Variants in PRR3 observed in about 807,000 individuals in gnomAD.
The protein encoded by PRR3 is proline rich 3, also known as proline-rich protein 3.
A neutral mutation model predicts 22.4 loss-of-function variants in PRR3; 16 were observed. That is an observed-to-expected ratio of 0.71 (90% CI 0.48 to 1.09). The LOEUF (loss-of-function observed/expected upper bound fraction) is 1.09. Among genes scored for constraint, PRR3 ranks in the 50% least tolerant of loss-of-function variants. PRR3 has a pLI of 0.00. For synonymous variants in PRR3, 87 were observed against 88.6 expected (o/e 0.98, Z 0.10); for missense variants, 224 against 243.4 (o/e 0.92, Z 0.53).
intron 3 of PRR3, 41 bp downstream of exon 3, chr6:30,562,165 C>G (rs1375658285): frequency 6.6e-7 from 1 of 1,517,180 alleles, no homozygotes; most frequent in Admixed American, 2.2e-5. Flanking sequence ...CCAGAGTGAC[C>G]TAATTTTCAG....
chr6:30,558,231 T>C lies in PRR3; in HGVS notation c.169+19T>C. On this transcript the variant is annotated intron_variant, in intron 2 of 3. Coordinates refer to ENST00000376560, the MANE Select transcript of PRR3 (RefSeq NM_025263.4). ...AAGTCAGGTGAGGAGGAAGGGGCCC[T>C]GATCCTTGTATTAGGTCGTAGAGAA... is the stretch of plus-strand genomic sequence containing the variant. The C allele has an allele frequency of 6.2e-7, 1 of 1,608,472 alleles. No individual in the cohort carries two copies. The highest frequency in any genetic ancestry group is 8.5e-7 in the Non-Finnish European group (1 of 1,175,826).
At position 30,563,531 on chromosome 6, in the gene PRR3, G is replaced by T. The variant is rs557182645; in HGVS notation, c.*1036G>T. 4 of 152,666 alleles carry T rather than the reference G, an allele frequency of 2.6e-5. No individual in the cohort carries two copies. The highest frequency in any genetic ancestry group is 9.6e-5 in the African/African-American group (4 of 41,526). 9.5% of individuals were successfully genotyped at this position (152,666 alleles called of 1,614,324 possible). A position where few individuals can be genotyped will look rare whatever the true frequency, so the allele number is the denominator to read the frequency against. On this transcript the variant is annotated 3_prime_UTR_variant, in exon 4 of 4. Coordinates refer to ENST00000376560, the MANE Select transcript of PRR3 (RefSeq NM_025263.4). ...CTCTTCCCCTACATCCCTGGCACTG[G>T]TTGTTTTCTGTGAAAACAGCAGTGA...
rs182191070 is a variant in PRR3 at position 30,562,069 on chromosome 6, C to G, written c.405C>G (p.Ser135Arg). The G allele has an allele frequency of 6.2e-7, 1 of 1,611,432 alleles. No individual in the cohort carries two copies. The highest frequency in any genetic ancestry group is 1.1e-5 in the South Asian group (1 of 90,926). Residue 135 changes from serine (S) to arginine (R), a missense_variant, in exon 3 of 4, where the codon AGC becomes AGG. Coordinates refer to ENST00000376560, the MANE Select transcript of PRR3 (RefSeq NM_025263.4). ...AGAGAAACCCTCGAAGGCTCAAAAG[C>G]TGGTCTCTTATCAAGAATACCTGCC... ...KEQRNPRRLK[S>R]WSLIKNTCPP... is the part of the protein sequence containing the mutation.
intron 2 of PRR3, among the ~76,000 whole-genome samples, chr6:30,559,751 A>T (rs1032823331): frequency 2.6e-5 from 4 of 152,166 alleles, no homozygotes; most frequent in Admixed American, 2.6e-4. Flanking sequence ...TAGAACTACC[A>T]GATGACAAAA....
chr6:30,558,928 A>G (rs1468933361), intron 2 of PRR3, among the ~76,000 whole-genome samples: 2 of 152,236 alleles, frequency 1.3e-5, no homozygotes, highest in African/African-American at 4.8e-5. Context: ...TCTATTTCAA[A>G]TGGACTGTAG....
rs373482442 is a variant in PRR3 at position 30,562,542 on chromosome 6, C to T, written c.*47C>T. ...CTGGAAGGAGCTCTCTGTGACCTAG[C>T]GGCCATTTATTTCTCTGTAGCCCTA... On this transcript the variant is annotated 3_prime_UTR_variant, in exon 4 of 4. Coordinates refer to ENST00000376560, the MANE Select transcript of PRR3 (RefSeq NM_025263.4). 15 of 1,238,920 alleles carry T rather than the reference C, an allele frequency of 1.2e-5. No homozygotes were observed. Among genetic ancestry groups the T allele is most frequent in the African/African-American group, 1.1e-4 (7 of 66,534 alleles). The allele number at this position is 1,238,920 out of a possible 1,614,324, so 76.7% of individuals were successfully genotyped here.
upstream of PRR3, chr6:30,557,018 C>T: frequency 2.9e-6 from 2 of 689,132 alleles, no homozygotes; most frequent in Non-Finnish European, 2.6e-6. Flanking sequence ...GGCCCTCTGG[C>T]CCGAGAGCCT....
chr6:30,557,298 T>C lies in PRR3; in HGVS notation c.-47T>C, dbSNP rs779632502. The C allele has an allele frequency of 6.7e-7, 1 of 1,488,914 alleles. No homozygotes were observed. Among genetic ancestry groups the C allele is most frequent in the Non-Finnish European group, 9.3e-7 (1 of 1,077,410 alleles). 92.2% of individuals were successfully genotyped at this position (1,488,914 alleles called of 1,614,324 possible). A position where few individuals can be genotyped will look rare whatever the true frequency, so the allele number is the denominator to read the frequency against. On this transcript the variant is annotated 5_prime_UTR_variant, in exon 1 of 4. Coordinates refer to ENST00000376560, the MANE Select transcript of PRR3 (RefSeq NM_025263.4). Reference sequence around the variant, plus strand: ...CGGAAACAGAATCCCCGCGTGCCCCTTCCTCACTACCCTCCAAATCCCGCT... The same window carrying C: ...CGGAAACAGAATCCCCGCGTGCCCCCTCCTCACTACCCTCCAAATCCCGCT...
chr6:30,561,515 T>C lies in PRR3; in HGVS notation c.170-319T>C, dbSNP rs1329422565. On this transcript the variant is annotated intron_variant, in intron 2 of 3. Transcript: ENST00000376560. This position sits in a 1 kb window ranked among gnomAD's most constrained non-coding sequence, Gnocchi z 4.0. ...ACATAAAAGAATGCAGACTGTATGA[T>C]TCCATTTTTGTGAAGTTCAAAAACA... 1 of 581,502 alleles carries C rather than the reference T, an allele frequency of 1.7e-6. No homozygotes were observed. The highest frequency in any genetic ancestry group is 2.5e-5 in the Admixed American group (1 of 40,560). The allele number at this position is 581,502 out of a possible 1,614,324, so 36.0% of individuals were successfully genotyped here.
rs371325781 is a variant in PRR3 at position 30,561,920 on chromosome 6, A to G, written c.256A>G (p.Ile86Val). The G allele has an allele frequency of 5.0e-5, 81 of 1,612,646 alleles. No individual in the cohort carries two copies. The highest frequency in any genetic ancestry group is 1.6e-4 in the Middle Eastern group (1 of 6,084). ...ACCTCCTCCTTGGGGTAGAGGCCCA[A>G]TTCGGAGAGGGCTTGGCCCCAGGTC... ...LPPPPWGRGP[I>V]RRGLGPRSSP... Residue 86 changes from isoleucine (I) to valine (V), a missense_variant, in exon 3 of 4, where the codon ATT becomes GTT. By Grantham distance (29) the Ile-to-Val change is conservative (BLOSUM62 3). Transcript: ENST00000376560. This position sits in a 1 kb window ranked among gnomAD's most constrained non-coding sequence, Gnocchi z 4.0.
chr6:30,557,383 G>A lies in PRR3; in HGVS notation c.39G>A (p.Pro13=). 1.2e-6 allele frequency: 2 copies of A among 1,612,774 alleles called. No individual in the cohort carries two copies. Among genetic ancestry groups the A allele is most frequent in the Middle Eastern group, 1.6e-4 (1 of 6,062 alleles). The change falls in exon 1 of 4, where the codon CCG becomes CCA. Residue 13 remains proline (P), a synonymous_variant. Transcript: ENST00000376560. The part of the protein sequence containing the change: ...KRKKQNHHQP[P]TQQQPPLPER... ...AGAAGCAGAATCATCACCAGCCACCGACACAGCAGCAGCCCCCGCTGCCCG... is the reference window on the plus strand; with the variant it reads ...AGAAGCAGAATCATCACCAGCCACCAACACAGCAGCAGCCCCCGCTGCCCG...
chr6:30,558,988 T>C (rs1800442066), intron 2 of PRR3, among the ~76,000 whole-genome samples: 1 of 152,210 alleles, frequency 6.6e-6, no homozygotes, highest in South Asian at 2.1e-4. Flanking sequence ...GTAAATGTAT[T>C]TTCTAAGAGT....
upstream of PRR3, chr6:30,556,978 C>T (rs1420104346): frequency 2.5e-5 from 16 of 639,522 alleles, no homozygotes; most frequent in South Asian, 3.5e-5. The surrounding 1 kb of genome is among the most constrained non-coding windows in gnomAD (Gnocchi z 5.7). Context: ...CCGGATGTGG[C>T]GATCTTACGG....
chr6:30,558,098 T>C, intron 1 of PRR3, 52 bp from the exon 2 acceptor site: 1 of 1,417,390 alleles, frequency 7.1e-7, no homozygotes, highest in Non-Finnish European at 1.0e-6. Context: ...AAGAACAGAA[T>C]CATCAGTCCT....
chr6:30,558,333 G>C (rs1285334865), intron 2 of PRR3, 121 bp downstream of exon 2: 2 of 772,950 alleles, frequency 2.6e-6, no homozygotes, highest in African/African-American at 3.5e-5. Flanking sequence ...AATGAATGGA[G>C]AGAAGTTGTA....
chr6:30,559,365 A>G (rs1800475579), intron 2 of PRR3, among the ~76,000 whole-genome samples: 2 of 152,230 alleles, frequency 1.3e-5, no homozygotes, highest in African/African-American at 2.4e-5. Flanking sequence ...GGACAGAGTG[A>G]GACTGTCTCA....
chr6:30,562,003 AG>A lies in PRR3; in HGVS notation c.341del (p.Gly114AlafsTer91). On this transcript the variant is annotated frameshift_variant, in exon 3 of 4. Transcript: ENST00000376560. LOFTEE classifies it high-confidence loss of function. ...ATGCAGAACCTCCTTTTCCGGGGCC[AG>A]GCCATGGGGGTCCCACCAGGGGAAG... ...VNAEPPFPGP[G>X]HGGPTRGSFH... 6.2e-7 allele frequency: 1 copy of A among 1,613,028 alleles called. No individual in the cohort carries two copies.
upstream of PRR3, chr6:30,557,171 G>A (rs1331418536): frequency 2.8e-6 from 2 of 705,528 alleles, no homozygotes; most frequent in South Asian, 1.5e-5. Flanking sequence ...GACGGAGGGA[G>A]GCAGTTGGCT....
At position 30,558,181 on chromosome 6, in the gene PRR3, G is replaced by A. The variant is rs377765312; in HGVS notation, c.138G>A (p.Met46Ile). ...CCAGCCTTCTGGGCCCTCCCCCCAT[G>A]GCCAATGGAAAACCTGGCGACCCTA... ...GPPSLLGPPP[M>I]ANGKPGDPKS... Residue 46 changes from methionine (M) to isoleucine (I), a missense_variant, in exon 2 of 4, where the codon ATG (methionine) becomes ATA (isoleucine). Physicochemically the swap from Met to Ile is conservative, Grantham distance 10. Coordinates refer to ENST00000376560, the MANE Select transcript of PRR3 (RefSeq NM_025263.4). 6 of 1,612,886 alleles carry A rather than the reference G, an allele frequency of 3.7e-6. No individual in the cohort carries two copies. Among genetic ancestry groups the A allele is most frequent in the Non-Finnish European group, 4.2e-6 (5 of 1,180,006 alleles).
Sources: allele counts gnomAD v4.1 joint callset (sites outside exome capture counted in the v4.1 genomes callset), GRCh38; gene constraint gnomAD v4.1.1; non-coding constraint Gnocchi (gnomAD v3.1); transcripts MANE v1.5; gene names NCBI Gene and HGNC (gene_info 2026-07-23, HGNC 2026-07-21).